The following RAP1GAP2 variants were observed in gnomAD, a reference collection of about 807,000 sequenced individuals.
The protein encoded by RAP1GAP2 is RAP1 GTPase activating protein 2.
RAP1GAP2 carries 27 observed loss-of-function variants against 95.0 expected under a neutral mutation model. That is an observed-to-expected ratio of 0.28 (90% CI 0.21 to 0.39). The LOEUF (loss-of-function observed/expected upper bound fraction) is 0.39, where lower values mean the gene tolerates loss of function less well. Ranked by LOEUF, RAP1GAP2 falls within the 10% of genes least tolerant of loss-of-function variation. The pLI is 1.00. For synonymous variants in RAP1GAP2, 373 were observed against 380.9 expected, an observed-to-expected ratio of 0.98 and a Z score of 0.24; for missense variants, 771 against 970.0, an observed-to-expected ratio of 0.79 and a Z score of 2.72.
At position 2,796,653 on chromosome 17, in the gene RAP1GAP2, G is replaced by A; in HGVS notation, c.44+82G>A. The A allele has an allele frequency of 6.8e-7, 1 of 1,471,140 alleles. No homozygotes were observed. The highest frequency in any genetic ancestry group is 9.3e-7 in the Non-Finnish European group (1 of 1,074,200). The allele number at this position is 1,471,140 out of a possible 1,614,324, so 91.1% of individuals were successfully genotyped here. ...TTGTTAAGTGCATTGGCGGCCGTGG[G>A]AACAGAGGGGCTCGGGCTGTGCCTG... On this transcript the variant is annotated intron_variant, in intron 1 of 24. Coordinates refer to ENST00000254695, the MANE Select transcript of RAP1GAP2 (RefSeq NM_015085.5). This position sits in a 1 kb window ranked among gnomAD's most constrained non-coding sequence, Gnocchi z 4.7.
chr17:3,001,522 A>G lies in RAP1GAP2; in HGVS notation c.1200+3146A>G, dbSNP rs374394044. 1.1e-4 allele frequency among the ~76,000 whole-genome samples: 10 copies of G among 94,842 alleles called. No homozygotes were observed. The South Asian group carries it at 3.0e-3, about 29-fold the overall frequency. The allele number at this position is 94,842 out of a possible 152,430, so 62.2% of individuals were successfully genotyped here. On this transcript the variant is annotated intron_variant, in intron 14 of 24. Coordinates refer to ENST00000254695, the MANE Select transcript of RAP1GAP2 (RefSeq NM_015085.5). Reference sequence around the variant, plus strand: ...AGCCTCAGGGCCTTCCTGATGCCGGAGAAGGGACAGAAGAAGCAGGGAGTG... The same window carrying G: ...AGCCTCAGGGCCTTCCTGATGCCGGGGAAGGGACAGAAGAAGCAGGGAGTG...
intron 2 of RAP1GAP2, among the ~76,000 whole-genome samples, chr17:2,840,596 G>A (rs1298067940): frequency 1.3e-5 from 2 of 152,076 alleles, no homozygotes; most frequent in African/African-American, 4.8e-5. Flanking sequence ...TTGATCTCCT[G>A]CCTTAGCCTC....
chr17:3,022,028 T>C (rs190766018), intron 19 of RAP1GAP2, among the ~76,000 whole-genome samples: 162 of 152,286 alleles, frequency 1.1e-3, no homozygotes, highest in Non-Finnish European at 1.9e-3. Context: ...GATCATATGG[T>C]AGCTCTAGTT....
At chr17:2,801,897 G>C (rs765315376) in intron 2 of RAP1GAP2, among the ~76,000 whole-genome samples, 7 of 152,040 alleles carry the variant, frequency 4.6e-5, no homozygotes, top group Non-Finnish European at 7.4e-5. Context: ...CATTTTGTCT[G>C]CATCCTGATC....
intron 2 of RAP1GAP2, among the ~76,000 whole-genome samples, chr17:2,843,718 T>A (rs896404269): frequency 6.6e-6 from 1 of 152,056 alleles, no homozygotes; most frequent in African/African-American, 2.4e-5. Flanking sequence ...GACAAGAGCT[T>A]CGCCTTCCCA....
intron 2 of RAP1GAP2, among the ~76,000 whole-genome samples, chr17:2,842,291 A>G (rs1337205362): frequency 1.3e-5 from 2 of 152,016 alleles, no homozygotes; most frequent in Admixed American, 1.3e-4. Flanking sequence ...GCACTTTGGG[A>G]GGGCGAGGCA....
chr17:2,927,184 C>T (rs549535025), intron 3 of RAP1GAP2, among the ~76,000 whole-genome samples: 316 of 151,020 alleles, frequency 2.1e-3, no homozygotes, highest in African/African-American at 7.0e-3. Context: ...GACAGAATCT[C>T]GCTCTGTCAC....
In RAP1GAP2 at chr17:2,919,592, G is replaced by A. The variant is rs575294905; in HGVS notation, c.165+14224G>A. Among the ~76,000 whole-genome samples the A allele has an allele frequency of 6.6e-5, 10 of 152,334 alleles. No homozygotes were observed. The South Asian group carries it at 2.1e-3, about 32-fold the overall frequency. ...TAAAAGCCATGGGGGGCCAGGCGGGGGAGCAGCTGCCCTTTCAGCCTGGGT... is the reference window on the plus strand; with the variant it reads ...TAAAAGCCATGGGGGGCCAGGCGGGAGAGCAGCTGCCCTTTCAGCCTGGGT... On this transcript the variant is annotated intron_variant, in intron 3 of 24. Coordinates refer to ENST00000254695, the MANE Select transcript of RAP1GAP2 (RefSeq NM_015085.5).
intron 19 of RAP1GAP2, among the ~76,000 whole-genome samples, chr17:3,022,387 T>C (rs1422429189): frequency 6.6e-6 from 1 of 152,240 alleles, no homozygotes; most frequent in Non-Finnish European, 1.5e-5. Context: ...AGAGTTACCA[T>C]ATTACCAAGC....
chr17:2,889,857 G>A (rs533081904), intron 2 of RAP1GAP2, among the ~76,000 whole-genome samples: 1,239 of 53,786 alleles, frequency 0.023, 23 homozygotes, highest in Non-Finnish European at 0.037. Context: ...TAATTTTTAT[G>A]TGTGTGTATA....
intron 3 of RAP1GAP2, among the ~76,000 whole-genome samples, chr17:2,942,981 C>T (rs774303284): frequency 1.3e-5 from 2 of 152,034 alleles, no homozygotes; most frequent in East Asian, 1.9e-4. Context: ...GTTGGTCAGG[C>T]TGGTCTTGAA....
In RAP1GAP2 at chr17:2,866,695, G is replaced by A. The variant is rs374073263; in HGVS notation, c.81-38589G>A. The stretch of plus-strand genomic sequence containing the variant: ...GCTCACTGCAGCCTCCGCCTCCCGG[G>A]TTCAAGCGATTCTCCTGTCTCAGCC... On this transcript the variant is annotated intron_variant, in intron 2 of 24. Coordinates refer to ENST00000254695, the MANE Select transcript of RAP1GAP2 (RefSeq NM_015085.5). The surrounding 1 kb of genome is among the most constrained non-coding windows in gnomAD (Gnocchi z 4.0). 6.6e-6 allele frequency among the ~76,000 whole-genome samples: 1 copy of A among 152,068 alleles called. No homozygotes were observed. Among genetic ancestry groups the A allele is most frequent in the African/African-American group, 2.4e-5 (1 of 41,398 alleles).
chr17:2,818,555 T>G (rs111245758), intron 2 of RAP1GAP2, among the ~76,000 whole-genome samples: 21 of 152,246 alleles, frequency 1.4e-4, no homozygotes, highest in African/African-American at 4.8e-4. Context: ...CTTGAACTCC[T>G]GACCTCAAGT....
intron 3 of RAP1GAP2, among the ~76,000 whole-genome samples, chr17:2,907,604 G>A (rs2042241290): frequency 6.6e-6 from 1 of 152,162 alleles, no homozygotes; most frequent in South Asian, 2.1e-4. Flanking sequence ...GTCAGGTAGG[G>A]CTTTTTGTTA....
At chr17:2,873,011 G>A (rs2072911240) in intron 2 of RAP1GAP2, among the ~76,000 whole-genome samples, 1 of 151,712 alleles carries the variant, frequency 6.6e-6, no homozygotes, top group South Asian at 2.1e-4. Flanking sequence ...GCTGAGGCAT[G>A]AGAATCGCTT....
chr17:2,765,576 C>A (rs1297263177), intron 1 of RAP1GAP2, among the ~76,000 whole-genome samples: 1 of 151,934 alleles, frequency 6.6e-6, no homozygotes, highest in Non-Finnish European at 1.5e-5. Flanking sequence ...CCCGTCTCTA[C>A]TAAAATAATA....
intron 1 of RAP1GAP2, among the ~76,000 whole-genome samples, chr17:2,788,587 G>A (rs1419100283): frequency 6.6e-6 from 1 of 152,106 alleles, no homozygotes; most frequent in Non-Finnish European, 1.5e-5. Flanking sequence ...GCCCCAGCCA[G>A]GCATGAGCCA....
At chr17:2,996,458 A>G (rs949269354) in intron 13 of RAP1GAP2, among the ~76,000 whole-genome samples, 32 of 152,328 alleles carry the variant, frequency 2.1e-4, no homozygotes, top group Admixed American at 1.5e-3. Context: ...CAGATGTAAA[A>G]TTGTAAACAT....
intron 2 of RAP1GAP2, among the ~76,000 whole-genome samples, chr17:2,905,044 G>A (rs1567762198): frequency 6.6e-6 from 1 of 152,162 alleles, no homozygotes; most frequent in Admixed American, 6.5e-5. Flanking sequence ...ACCACGCCCA[G>A]CTAATTTTTT....
Sources: allele counts gnomAD v4.1 joint callset (sites outside exome capture counted in the v4.1 genomes callset), GRCh38; gene constraint gnomAD v4.1.1; non-coding constraint Gnocchi (gnomAD v3.1); transcripts MANE v1.5; gene names NCBI Gene and HGNC (gene_info 2026-07-23, HGNC 2026-07-21).